The following BMPER variants were observed in gnomAD, a reference collection of about 807,000 sequenced individuals.
The protein encoded by BMPER is BMP binding endothelial regulator.
Under a neutral mutation model 87.3 loss-of-function variants are expected in BMPER, and 45 were observed. That is an observed-to-expected ratio of 0.52 (90% CI 0.41 to 0.66). The LOEUF (loss-of-function observed/expected upper bound fraction) is 0.66, where lower values mean the gene tolerates loss of function less well. Among genes scored for constraint, BMPER ranks in the 30% least tolerant of loss-of-function variants. The probability of loss-of-function intolerance (pLI) is 0.00; values close to 1 mark genes in which losing one functional copy is unlikely to be tolerated. For missense variants in BMPER, 784 were observed against 867.5 expected (o/e 0.90, Z 1.21); for synonymous variants, 326 against 316.2 (o/e 1.03, Z -0.33).
At chr7:34,008,226 C>G (rs2127939344) in intron 6 of BMPER, among the ~76,000 whole-genome samples, 1 of 152,030 alleles carries the variant, frequency 6.6e-6, no homozygotes, top group African/African-American at 2.4e-5. Flanking sequence ...GTTTCTTTCT[C>G]TACTGGGTTG....
At chr7:33,914,046 C>G (rs897167508) in intron 2 of BMPER, among the ~76,000 whole-genome samples, 1 of 151,310 alleles carries the variant, frequency 6.6e-6, no homozygotes, top group African/African-American at 2.4e-5. Flanking sequence ...ACTGCAAGCT[C>G]CGCCTCCCGG....
chr7:34,128,413 C>A (rs1301409588), intron 13 of BMPER, among the ~76,000 whole-genome samples: 1 of 152,066 alleles, frequency 6.6e-6, no homozygotes, highest in African/African-American at 2.4e-5. Flanking sequence ...GAGTAAGTAC[C>A]CCGCCTTACT....
intron 1 of BMPER, 120 bp from the exon 2 acceptor site, chr7:33,906,698 C>A: frequency 1.2e-6 from 1 of 861,724 alleles, no homozygotes; most frequent in Non-Finnish European, 1.9e-6. Context: ...ATTTAAACCA[C>A]ATTAAGAATT....
At chr7:34,090,731 G>A (rs908460036) in intron 13 of BMPER, among the ~76,000 whole-genome samples, 4 of 152,330 alleles carry the variant, frequency 2.6e-5, no homozygotes, top group Admixed American at 6.5e-5. Context: ...CCACAAAGCA[G>A]AACTCTTAAG....
At chr7:33,999,852 A>C (rs529717381) in intron 6 of BMPER, among the ~76,000 whole-genome samples, 2 of 152,332 alleles carry the variant, frequency 1.3e-5, no homozygotes, top group South Asian at 4.1e-4. Flanking sequence ...CCTTCCCTCA[A>C]TTCCTTCTGT....
chr7:34,094,970 G>A (rs1420333), intron 13 of BMPER, among the ~76,000 whole-genome samples: 106,689 of 152,048 alleles, frequency 0.7, 38,058 homozygotes, highest in East Asian at 0.92. Flanking sequence ...TGCTAGACTC[G>A]TTCGGAATAA....
chr7:33,919,503 A>G (rs1390950252), intron 2 of BMPER, among the ~76,000 whole-genome samples: 1 of 152,178 alleles, frequency 6.6e-6, no homozygotes, highest in East Asian at 1.9e-4. Flanking sequence ...GTATATCCTC[A>G]AGACCCCTCT....
chr7:34,024,416 T>G (rs1787301491), intron 6 of BMPER, among the ~76,000 whole-genome samples: 1 of 51,608 alleles, frequency 1.9e-5, no homozygotes, highest in African/African-American at 8.0e-5. Flanking sequence ...TATATATATA[T>G]ATATATATAT....
intron 13 of BMPER, among the ~76,000 whole-genome samples, chr7:34,106,928 CATG>C (rs1262121955): frequency 6.6e-6 from 1 of 152,150 alleles, no homozygotes; most frequent in African/African-American, 2.4e-5. Context: ...AGCTCAATTT[CATG>C]ATGTTTGTGC....
chr7:34,015,452 A>G (rs758648101), intron 6 of BMPER, among the ~76,000 whole-genome samples: 9 of 151,884 alleles, frequency 5.9e-5, no homozygotes, highest in Non-Finnish European at 1.2e-4. Flanking sequence ...TGAGAATTCC[A>G]CCTATTGGAA....
At chr7:34,031,951 T>TATAC (rs1472015803) in intron 6 of BMPER, among the ~76,000 whole-genome samples, 6 of 136,274 alleles carry the variant, frequency 4.4e-5, no homozygotes, top group African/African-American at 1.6e-4. Flanking sequence ...CACATATATA[T>TATAC]ACACACACAC....
chr7:33,974,649 G>A (rs1785637300), intron 5 of BMPER, 53 bp from the exon 6 acceptor site: 7 of 1,548,210 alleles, frequency 4.5e-6, no homozygotes, highest in African/African-American at 1.4e-5. Context: ...GATTGTGTCA[G>A]GTTGAACGAT....
At chr7:34,035,010 A>G (rs1163074517) in intron 6 of BMPER, among the ~76,000 whole-genome samples, 1 of 152,118 alleles carries the variant, frequency 6.6e-6, no homozygotes, top group Non-Finnish European at 1.5e-5. Context: ...CAGACTGTAC[A>G]CTTGTTTTTC....
chr7:33,975,140 T>G (rs1785652665), intron 6 of BMPER, among the ~76,000 whole-genome samples: 1 of 152,174 alleles, frequency 6.6e-6, no homozygotes, highest in African/African-American at 2.4e-5. Context: ...GGAACTCTGC[T>G]CTGAAGCATG....
intron 6 of BMPER, among the ~76,000 whole-genome samples, chr7:34,003,411 G>T (rs535151180): frequency 6.6e-6 from 1 of 151,306 alleles, no homozygotes; most frequent in Non-Finnish European, 1.5e-5. Flanking sequence ...CATACAAATC[G>T]CACTCTATGT....
At chr7:33,984,259 A>G (rs1297592987) in intron 6 of BMPER, among the ~76,000 whole-genome samples, 1 of 152,106 alleles carries the variant, frequency 6.6e-6, no homozygotes, top group Admixed American at 6.6e-5. Context: ...CGAGGTCAGG[A>G]GTTCAAGACC....
chr7:34,131,385 G>A (rs1486872068), intron 13 of BMPER, among the ~76,000 whole-genome samples: 1 of 152,184 alleles, frequency 6.6e-6, no homozygotes, highest in Non-Finnish European at 1.5e-5. Flanking sequence ...AAAAGGCACG[G>A]CAGATGCTTG....
intron 2 of BMPER, among the ~76,000 whole-genome samples, chr7:33,920,747 C>T (rs924163470): frequency 8.6e-5 from 13 of 151,794 alleles, no homozygotes; most frequent in African/African-American, 2.9e-4. Flanking sequence ...TTTTAATAAA[C>T]CCTTCCAGTG....
chr7:33,940,878 A>G (rs1442064828), intron 3 of BMPER, among the ~76,000 whole-genome samples: 2 of 141,010 alleles, frequency 1.4e-5, no homozygotes, highest in Non-Finnish European at 3.0e-5. Context: ...TATTATATAT[A>G]TTTATATATA....
Sources: allele counts gnomAD v4.1 joint callset (sites outside exome capture counted in the v4.1 genomes callset), GRCh38; gene constraint gnomAD v4.1.1; transcripts MANE v1.5; gene names NCBI Gene and HGNC (gene_info 2026-07-23, HGNC 2026-07-21).